The following RBMS3 variants were observed in gnomAD, a reference collection of about 807,000 sequenced individuals.
RBMS3 encodes the protein RNA-binding motif, single-stranded-interacting protein 3.
In RBMS3, 27 loss-of-function variants were observed where a neutral mutation model predicts 66.8. The observed-to-expected ratio is 0.40, with a 90% CI of 0.30 to 0.56. RBMS3 has a LOEUF of 0.56. Ranked by LOEUF, RBMS3 falls within the 20% of genes least tolerant of loss-of-function variation. The probability of loss-of-function intolerance (pLI) is 0.40; values close to 1 mark genes in which losing one functional copy is unlikely to be tolerated. For missense variants in RBMS3, 513 were observed against 549.5 expected, an observed-to-expected ratio of 0.93 and a Z score of 0.66; for synonymous variants, 188 against 183.0, an observed-to-expected ratio of 1.03 and a Z score of -0.22.
At chr3:29,767,482 A>T (rs2055986487) in intron 6 of RBMS3, 1 of 152,006 alleles carries the variant, frequency 6.6e-6, no homozygotes, top group African/African-American at 2.4e-5. Flanking sequence ...GGGATCTTTA[A>T]AAATTTAACA....
At chr3:29,971,414 T>G (rs561926863) in intron 12 of RBMS3, among the ~76,000 whole-genome samples, 121 of 152,272 alleles carry the variant, frequency 7.9e-4, no homozygotes, top group African/African-American at 2.8e-3. Context: ...GTTTCATAAG[T>G]GGCTCCAGTT....
chr3:29,972,963 C>A (rs1348944567), intron 12 of RBMS3, among the ~76,000 whole-genome samples: 1 of 151,870 alleles, frequency 6.6e-6, no homozygotes, highest in Non-Finnish European at 1.5e-5. Context: ...CAAGCCTAGT[C>A]GACAGACAAA....
At chr3:29,481,142 G>T (rs886430249) in intron 2 of RBMS3, among the ~76,000 whole-genome samples, 1 of 152,172 alleles carries the variant, frequency 6.6e-6, no homozygotes, top group African/African-American at 2.4e-5. Context: ...TGGGTTTGTT[G>T]CAATGACTAA....
intron 4 of RBMS3, among the ~76,000 whole-genome samples, chr3:29,649,282 G>T (rs1338466099): frequency 6.6e-6 from 1 of 152,098 alleles, no homozygotes; most frequent in Non-Finnish European, 1.5e-5. Context: ...TTTCCCTTAA[G>T]AATCCATGGA....
At position 29,843,955 on chromosome 3, in the gene RBMS3, GAA is replaced by G. The variant is rs377050206; in HGVS notation, c.638-24891_638-24890del. ...AGACAGAATGAGACTCTTTCTCAAAGAAAAAAAAAAAAAGGTTGCTTTCAGTT... is the reference window on the plus strand; with the variant it reads ...AGACAGAATGAGACTCTTTCTCAAAGAAAAAAAAAAAGGTTGCTTTCAGTT... On this transcript the variant is annotated intron_variant, in intron 6 of 14. Transcript: ENST00000383767. 3.5e-3 allele frequency among the ~76,000 whole-genome samples: 429 copies of G among 121,036 alleles called. 2 individuals carry two copies. Among genetic ancestry groups the G allele is most frequent in the African/African-American group, 0.012 (406 of 33,162 alleles). The allele number at this position is 121,036 out of a possible 152,430, so 79.4% of individuals were successfully genotyped here. A position where few individuals can be genotyped will look rare whatever the true frequency, so the allele number is the denominator to read the frequency against.
At chr3:29,775,476 T>A (rs568267057) in intron 6 of RBMS3, among the ~76,000 whole-genome samples, 4 of 152,132 alleles carry the variant, frequency 2.6e-5, no homozygotes, top group Admixed American at 6.6e-5. Context: ...ATTGTGGGAA[T>A]GGAATTATGT....
At chr3:29,478,315 G>T (rs1422165700) in intron 2 of RBMS3, among the ~76,000 whole-genome samples, 1 of 152,172 alleles carries the variant, frequency 6.6e-6, no homozygotes, top group Non-Finnish European at 1.5e-5. Context: ...AGTTCAAGAT[G>T]AAGGCAGCAG....
At position 29,578,587 on chromosome 3, in the gene RBMS3, G is replaced by C. The variant is rs2047204021; in HGVS notation, c.308-8527G>C. Reference sequence around the variant, plus strand: ...ATCAAATATGAGTATAAATTAGGAAGTGCACAATTGTAGTTAGATAGAACC... The same window carrying C: ...ATCAAATATGAGTATAAATTAGGAACTGCACAATTGTAGTTAGATAGAACC... On this transcript the variant is annotated intron_variant, in intron 3 of 14. Coordinates refer to ENST00000383767, the MANE Select transcript of RBMS3 (RefSeq NM_001003793.3). Among the ~76,000 whole-genome samples the C allele has an allele frequency of 2.6e-5, 4 of 152,090 alleles. No homozygotes were observed. The South Asian group carries it at 8.3e-4, about 32-fold the overall frequency.
rs138407126 is a variant in RBMS3, at chr3:29,469,664, CAT to C, written c.249-18763_249-18762del. On this transcript the variant is annotated intron_variant, in intron 2 of 14. Transcript: ENST00000383767. ...ACAACTAACATGGGAAAAACTAAAC[CAT>C]ATATATATATATACATACGTATAAG... Among the ~76,000 whole-genome samples the C allele has an allele frequency of 5.0e-3, 737 of 148,260 alleles. 6 individuals are homozygous for C. The highest frequency in any genetic ancestry group is 0.017 in the African/African-American group (706 of 40,646).
At chr3:29,850,367 T>C (rs754948273) in intron 6 of RBMS3, among the ~76,000 whole-genome samples, 8 of 152,226 alleles carry the variant, frequency 5.3e-5, no homozygotes, top group Non-Finnish European at 8.8e-5. Flanking sequence ...TGAGGTTACA[T>C]AACCTTCAAT....
chr3:29,532,918 A>T (rs2045420608), intron 3 of RBMS3, among the ~76,000 whole-genome samples: 1 of 152,216 alleles, frequency 6.6e-6, no homozygotes. Context: ...GAATGAATTA[A>T]GCCACTGGAT....
chr3:29,537,903 A>T (rs1332528610), intron 3 of RBMS3, among the ~76,000 whole-genome samples: 4 of 151,958 alleles, frequency 2.6e-5, no homozygotes, highest in Non-Finnish European at 5.9e-5. Flanking sequence ...TCATCTTCAC[A>T]TTGTGAGTCA....
chr3:29,667,593 G>A (rs1436108635), intron 4 of RBMS3, among the ~76,000 whole-genome samples: 2 of 152,122 alleles, frequency 1.3e-5, no homozygotes, highest in South Asian at 2.1e-4. Context: ...AGAACAGTAA[G>A]ATGCAAAATA....
At chr3:29,945,959 A>T (rs1221511726) in intron 12 of RBMS3, among the ~76,000 whole-genome samples, 2 of 151,770 alleles carry the variant, frequency 1.3e-5, no homozygotes, top group Non-Finnish European at 2.9e-5. Flanking sequence ...AGTTAAAAAG[A>T]TTAGATATGA....
intron 12 of RBMS3, among the ~76,000 whole-genome samples, chr3:29,975,492 A>G (rs1225852786): frequency 6.6e-6 from 1 of 151,774 alleles, no homozygotes; most frequent in Non-Finnish European, 1.5e-5. Flanking sequence ...TTTAACTTGC[A>G]TTTTTCTAAT....
At chr3:29,482,798 C>T (rs2043184925) in intron 2 of RBMS3, among the ~76,000 whole-genome samples, 1 of 146,628 alleles carries the variant, frequency 6.8e-6, no homozygotes, top group South Asian at 2.2e-4. Flanking sequence ...ATCTCTGCCT[C>T]CCAGGTTCAA....
At chr3:29,726,127 A>T (rs1009664479) in intron 4 of RBMS3, among the ~76,000 whole-genome samples, 3 of 152,190 alleles carry the variant, frequency 2.0e-5, no homozygotes, top group African/African-American at 7.2e-5. Context: ...ATCCCAATAG[A>T]TGCAGAAAAC....
intron 3 of RBMS3, among the ~76,000 whole-genome samples, chr3:29,516,166 C>T (rs1304387038): frequency 1.3e-5 from 2 of 152,130 alleles, no homozygotes; most frequent in East Asian, 3.9e-4. Flanking sequence ...CTGACTTTGG[C>T]AACTGCATCT....
At chr3:29,486,160 G>C (rs1206638722) in intron 2 of RBMS3, among the ~76,000 whole-genome samples, 2 of 152,124 alleles carry the variant, frequency 1.3e-5, no homozygotes, top group Non-Finnish European at 2.9e-5. Flanking sequence ...TACATCAGTT[G>C]TTGACTTTGC....
Sources: allele counts gnomAD v4.1 joint callset (sites outside exome capture counted in the v4.1 genomes callset), GRCh38; gene constraint gnomAD v4.1.1; transcripts MANE v1.5; gene names NCBI Gene and HGNC (gene_info 2026-07-23, HGNC 2026-07-21).